Variants in RGMA observed in about 807,000 individuals in gnomAD.
The protein encoded by RGMA is repulsive guidance molecule BMP co-receptor a.
A neutral mutation model predicts 23.2 loss-of-function variants in RGMA; 10 were observed. That is an observed-to-expected ratio of 0.43 (90% CI 0.27 to 0.73). The LOEUF is 0.73. Ranked by LOEUF, RGMA falls within the 30% of genes least tolerant of loss-of-function variation. The pLI, the probability that RGMA is intolerant of heterozygous loss-of-function variation, is 0.20. For synonymous variants in RGMA, 308 were observed against 279.3 expected (o/e 1.10, Z -1.03); for missense variants, 547 against 630.5 (o/e 0.87, Z 1.42).
intron 3 of RGMA, among the ~76,000 whole-genome samples, chr15:93,051,750 T>TA (rs1477302222): frequency 6.6e-6 from 1 of 152,200 alleles, no homozygotes; most frequent in Non-Finnish European, 1.5e-5. Context: ...CTTGGCCTCT[T>TA]AGAGCATCAG....
intron 1 of RGMA, among the ~76,000 whole-genome samples, chr15:93,079,808 A>G: frequency 6.6e-6 from 1 of 151,246 alleles, no homozygotes; most frequent in East Asian, 1.9e-4. Context: ...CAACGGAGAG[A>G]CTCTGTCTCA....
intron 3 of RGMA, among the ~76,000 whole-genome samples, chr15:93,047,453 C>T (rs2054841950): frequency 6.6e-6 from 1 of 152,168 alleles, no homozygotes; most frequent in Admixed American, 6.5e-5. Flanking sequence ...AGGTGGCACC[C>T]AGGCCTTTTG....
intron 2 of RGMA, among the ~76,000 whole-genome samples, chr15:93,063,656 T>G (rs1025225049): frequency 1.3e-5 from 2 of 152,238 alleles, no homozygotes; most frequent in African/African-American, 4.8e-5. Context: ...GCAGCCAGAA[T>G]GTGTCACCTT....
In RGMA at chr15:93,060,363, G is replaced by A. The variant is rs577694905; in HGVS notation, c.131-7856C>T. 2.6e-5 allele frequency among the ~76,000 whole-genome samples: 4 copies of A among 152,334 alleles called. No individual in the cohort carries two copies. The East Asian group carries it at 7.7e-4, about 29-fold the overall frequency. ...TTGAGGCCTTGAATTTTCCTGATTA[G>A]CTATAGTGGGGCAAAAAGGAGAATC... On this transcript the variant is annotated intron_variant, in intron 2 of 3. Coordinates refer to ENST00000329082, the MANE Select transcript of RGMA (RefSeq NM_020211.3).
At chr15:93,049,898 G>A (rs1251126646) in intron 3 of RGMA, among the ~76,000 whole-genome samples, 2 of 152,160 alleles carry the variant, frequency 1.3e-5, no homozygotes, top group Non-Finnish European at 2.9e-5. Flanking sequence ...GTTGGTGGTA[G>A]TCGAGGTGGT....
At chr15:93,071,809 G>A (rs1442719955) in intron 2 of RGMA, among the ~76,000 whole-genome samples, 1 of 152,186 alleles carries the variant, frequency 6.6e-6, no homozygotes, top group African/African-American at 2.4e-5. Flanking sequence ...GCTCAGTAGT[G>A]CGCGGGGGCT....
chr15:93,042,090 G>C lies in RGMA; in HGVS notation c.*2908C>G, dbSNP rs1277827201. 2 of 152,364 alleles carry C rather than the reference G, an allele frequency of 1.3e-5. No homozygotes were observed. Among genetic ancestry groups the C allele is most frequent in the African/African-American group, 4.8e-5 (2 of 41,466 alleles). The allele number at this position is 152,364 out of a possible 1,614,324, so 9.4% of individuals were successfully genotyped here. A position where few individuals can be genotyped will look rare whatever the true frequency, so the allele number is the denominator to read the frequency against. On this transcript the variant is annotated 3_prime_UTR_variant, in exon 4 of 4. Coordinates refer to ENST00000329082, the MANE Select transcript of RGMA (RefSeq NM_020211.3). ...AGGCAGGAGAATTGCTTGAACCTGG[G>C]AGGCAGGGGCTGCAGTGAGCTGGGA...
intron 2 of RGMA, chr15:93,066,585 G>A (rs760041164): frequency 1.1e-5 from 5 of 463,144 alleles, no homozygotes; most frequent in Non-Finnish European, 2.1e-5. Flanking sequence ...TACCACCACC[G>A]CTACCACCCC....
At chr15:93,058,778 C>T (rs564827012) in intron 2 of RGMA, among the ~76,000 whole-genome samples, 7 of 152,026 alleles carry the variant, frequency 4.6e-5, no homozygotes, top group East Asian at 1.9e-4. Flanking sequence ...GATTTCCACA[C>T]GCTCCATACC....
chr15:93,047,178 G>A (rs1026662182), intron 3 of RGMA, among the ~76,000 whole-genome samples: 7 of 151,996 alleles, frequency 4.6e-5, no homozygotes, highest in Non-Finnish European at 7.4e-5. Context: ...GAGGAGGGCC[G>A]GTGGCCAGGG....
intron 2 of RGMA, among the ~76,000 whole-genome samples, chr15:93,071,977 G>T (rs1895341253): frequency 6.6e-6 from 1 of 151,938 alleles, no homozygotes; most frequent in South Asian, 2.1e-4. Context: ...TTTTTAGCAA[G>T]AAAAAAAATG....
Position 93,044,827 on chromosome 15 carries a change from G to A in RGMA, c.*171C>T, listed in dbSNP as rs143230457. 14 of 612,758 alleles carry A rather than the reference G, an allele frequency of 2.3e-5. No homozygotes were observed. Among genetic ancestry groups the A allele is most frequent in the African/African-American group, 5.5e-5 (3 of 54,076 alleles). 38.0% of individuals were successfully genotyped at this position (612,758 alleles called of 1,614,324 possible). On this transcript the variant is annotated 3_prime_UTR_variant, in exon 4 of 4. Coordinates refer to ENST00000329082, the MANE Select transcript of RGMA (RefSeq NM_020211.3). ...GCACCAGTCACCACAACCTTGTCACGTGCACTAGAAGGGGAGGGGTCCGTG... is the reference window on the plus strand; with the variant it reads ...GCACCAGTCACCACAACCTTGTCACATGCACTAGAAGGGGAGGGGTCCGTG...
At chr15:93,049,188 G>A (rs1263274225) in intron 3 of RGMA, among the ~76,000 whole-genome samples, 12 of 152,296 alleles carry the variant, frequency 7.9e-5, no homozygotes, top group Non-Finnish European at 1.8e-4. Context: ...CACTGCACCG[G>A]GCACGAGGCA....
At chr15:93,066,439 G>C in intron 2 of RGMA, 1 of 614,922 alleles carries the variant, frequency 1.6e-6, no homozygotes, top group Non-Finnish European at 3.0e-6. Flanking sequence ...CGTTGCCAGG[G>C]CTGCCGCCGG....
At chr15:93,087,484 A>AAAC (rs1555451779) in intron 1 of RGMA, among the ~76,000 whole-genome samples, 1 of 148,714 alleles carries the variant, frequency 6.7e-6, no homozygotes, top group Non-Finnish European at 1.5e-5. Context: ...AAAAAAAAAA[A>AAAC]CCACAAAACC....
chr15:93,058,858 C>A (rs565097627), intron 2 of RGMA, among the ~76,000 whole-genome samples: 16 of 152,188 alleles, frequency 1.1e-4, no homozygotes, highest in Non-Finnish European at 1.6e-4. Flanking sequence ...GGGGGCCTCA[C>A]TGGGGAAGAG....
chr15:93,072,072 A>G (rs1895343723), intron 2 of RGMA, among the ~76,000 whole-genome samples: 1 of 152,242 alleles, frequency 6.6e-6, no homozygotes, highest in African/African-American at 2.4e-5. Context: ...ATCATAAAGA[A>G]AACAGGCCGG....
intron 3 of RGMA, among the ~76,000 whole-genome samples, chr15:93,048,988 C>T (rs951135028): frequency 3.9e-5 from 6 of 152,238 alleles, no homozygotes; most frequent in African/African-American, 1.4e-4. Context: ...CACCATCTCT[C>T]GCAGAGACAG....
intron 1 of RGMA, among the ~76,000 whole-genome samples, chr15:93,083,093 C>G (rs941670497): frequency 6.6e-6 from 1 of 152,244 alleles, no homozygotes; most frequent in African/African-American, 2.4e-5. Flanking sequence ...ATGTTCTCCA[C>G]CAGGCCTGAA....
Sources: gnomAD v4.1 joint callset for allele counts (sites outside exome capture counted in the v4.1 genomes callset) on GRCh38, gnomAD v4.1.1 for gene constraint, MANE v1.5 for transcripts, NCBI Gene and HGNC (gene_info 2026-07-23, HGNC 2026-07-21) for gene names.